SEC23A: variants seen among roughly 807,000 people sequenced by gnomAD.
SEC23A encodes the protein protein transport protein Sec23A.
A neutral mutation model predicts 103.7 loss-of-function variants in SEC23A; 56 were observed. That is an observed-to-expected ratio of 0.54 (90% confidence interval 0.44 to 0.67). The LOEUF is 0.67. SEC23A is among the 30% of genes least tolerant of loss of function. The probability of loss-of-function intolerance (pLI) is 0.00; values close to 1 mark genes in which losing one functional copy is unlikely to be tolerated. For synonymous variants in SEC23A, 281 were observed against 293.0 expected (o/e 0.96, Z 0.42); for missense variants, 784 against 936.4 (o/e 0.84, Z 2.12).
intron 14 of SEC23A, among the ~76,000 whole-genome samples, chr14:39,054,465 T>G (rs776992884): frequency 2.0e-5 from 3 of 152,190 alleles, no homozygotes; most frequent in Non-Finnish European, 4.4e-5. Flanking sequence ...GCATAATTTT[T>G]CTACCCCAGT....
chr14:39,101,088 C>T (rs1265586144), intron 1 of SEC23A, among the ~76,000 whole-genome samples: 1 of 152,074 alleles, frequency 6.6e-6, no homozygotes, highest in Admixed American at 6.5e-5. Flanking sequence ...AGGTGATTGG[C>T]CTGCCTCGGC....
rs369261537 is a variant in SEC23A, at chr14:39,092,548, A to G, written c.359T>C (p.Val120Ala). 12 of 1,591,900 alleles carry G rather than the reference A, an allele frequency of 7.5e-6. No homozygotes were observed. The change falls in exon 4 of 20, where the codon GTA (valine) becomes GCA (alanine). Residue 120 changes from valine to alanine, a missense_variant. Physicochemically the swap from Val to Ala is moderately conservative, Grantham distance 64. Coordinates refer to ENST00000307712, the MANE Select transcript of SEC23A (RefSeq NM_006364.4). ...TTGTTCTTAGGTTCTTACCAGAACT[A>G]CATATTCAATGCTAGAAAACTGAGG... ...LLPQFSSIEY[V>A]VLRGPQMPLI...
At chr14:39,089,869 T>C (rs1887597304) in intron 5 of SEC23A, among the ~76,000 whole-genome samples, 1 of 152,332 alleles carries the variant, frequency 6.6e-6, no homozygotes, top group African/African-American at 2.4e-5. Context: ...GGCAGGAGAA[T>C]AGCTTGAACC....
intron 9 of SEC23A, among the ~76,000 whole-genome samples, chr14:39,070,081 C>A (rs1051511031): frequency 1.3e-5 from 2 of 152,184 alleles, no homozygotes; most frequent in African/African-American, 4.8e-5. Flanking sequence ...GTCATACTTG[C>A]CACATTTCAA....
intron 16 of SEC23A, among the ~76,000 whole-genome samples, chr14:39,044,015 G>GC (rs1555326272): frequency 1.3e-5 from 2 of 152,150 alleles, no homozygotes; most frequent in African/African-American, 4.8e-5. Flanking sequence ...GTGGGTCATG[G>GC]TGGGGGTGTT....
chr14:39,058,941 T>A (rs1281050552), intron 13 of SEC23A, among the ~76,000 whole-genome samples: 1 of 152,202 alleles, frequency 6.6e-6, no homozygotes, highest in Non-Finnish European at 1.5e-5. Flanking sequence ...AAAGGTGACT[T>A]TTTTAATTCT....
chr14:39,050,868 T>C (rs554257039), intron 14 of SEC23A, among the ~76,000 whole-genome samples: 34 of 152,220 alleles, frequency 2.2e-4, no homozygotes, highest in Non-Finnish European at 4.6e-4. Context: ...GCACAATGGA[T>C]CCGAACAAGG....
intron 7 of SEC23A, among the ~76,000 whole-genome samples, chr14:39,079,202 C>G (rs1355584596): frequency 6.6e-6 from 1 of 151,674 alleles, no homozygotes; most frequent in Non-Finnish European, 1.5e-5. Flanking sequence ...AATGAGAGGG[C>G]CATTTTTTTT....
chr14:39,045,020 A>G lies in SEC23A; in HGVS notation c.1899+143T>C, dbSNP rs982181765. On this transcript the variant is annotated intron_variant, in intron 16 of 19. Coordinates refer to ENST00000307712, the MANE Select transcript of SEC23A (RefSeq NM_006364.4). The stretch of plus-strand genomic sequence containing the variant: ...TAAACATTCATAAATATTTTAAGCG[A>G]ATACATTAATAGGTTGAGATGTCCA... 11 of 719,398 alleles carry G rather than the reference A, an allele frequency of 1.5e-5. No homozygotes were observed. In the African/African-American group the frequency reaches 1.8e-4, roughly 12 times the overall value. 44.6% of individuals were successfully genotyped at this position (719,398 alleles called of 1,614,324 possible). A position where few individuals can be genotyped will look rare whatever the true frequency, so the allele number is the denominator to read the frequency against.
chr14:39,091,038 G>A, intron 5 of SEC23A: 1 of 393,208 alleles, frequency 2.5e-6, no homozygotes, highest in Non-Finnish European at 4.8e-6. Flanking sequence ...AAAAGAAAGT[G>A]GAAACAAAGA....
At position 39,047,513 on chromosome 14, in the gene SEC23A, A is replaced by C. The variant is rs537193904; in HGVS notation, c.1737+1139T>G. 4.7e-4 allele frequency: 298 copies of C among 634,110 alleles called. 1 individual carries two copies. Among genetic ancestry groups the C allele is most frequent in the Middle Eastern group, 1.3e-3 (4 of 3,188 alleles). The allele number at this position is 634,110 out of a possible 1,614,324, so 39.3% of individuals were successfully genotyped here. A position where few individuals can be genotyped will look rare whatever the true frequency, so the allele number is the denominator to read the frequency against. The stretch of plus-strand genomic sequence containing the variant: ...CTCAAAACAAAAACAACAACAACAA[A>C]AAAAAAAACAGAGCAGCTCTGAAAA... On this transcript the variant is annotated intron_variant, in intron 15 of 19. Transcript: ENST00000307712.
chr14:39,073,534 T>A (rs183263500), intron 9 of SEC23A, among the ~76,000 whole-genome samples: 17 of 148,904 alleles, frequency 1.1e-4, no homozygotes, highest in African/African-American at 3.7e-4. Context: ...CTTCAGATAA[T>A]CCTCCCACCT....
Position 39,096,054 on chromosome 14 carries a change from T to C in SEC23A, c.65A>G (p.Asn22Ser). 1 of 1,614,124 alleles carries C rather than the reference T, an allele frequency of 6.2e-7. No individual in the cohort carries two copies. The highest frequency in any genetic ancestry group is 8.5e-7 in the Non-Finnish European group (1 of 1,179,990). ...EERDGVRFSWNVWPSSRLEAT... is the reference protein window; with the variant it reads ...EERDGVRFSWSVWPSSRLEAT... ...TTCCAGTCGACTTGATGGCCAAACA[T>C]TCCAACTAAATCGGACTCCATCTCG... The change falls in exon 2 of 20, where the codon AAT becomes AGT. Residue 22 changes from asparagine to serine, a missense_variant. Physicochemically the swap from Asn to Ser is conservative, Grantham distance 46. This residue lies in a region of SEC23A where 683 missense variants were observed against 774.2 expected (regional missense o/e 0.88). Transcript: ENST00000307712.
chr14:39,071,527 C>A (rs1415654489), intron 9 of SEC23A, among the ~76,000 whole-genome samples: 1 of 149,436 alleles, frequency 6.7e-6, no homozygotes, highest in Admixed American at 6.6e-5. Flanking sequence ...CCAGCCTGGG[C>A]AACACAGTGA....
In SEC23A at chr14:39,045,339, C is replaced by G. The variant is rs776504661; in HGVS notation, c.1738-15G>C. 6.3e-7 allele frequency: 1 copy of G among 1,586,938 alleles called. No individual in the cohort carries two copies. The highest frequency in any genetic ancestry group is 8.6e-7 in the Non-Finnish European group (1 of 1,156,824). ...TGAAACATAAACTGTAAGATAAACA[C>G]GTAAGATAGTTGTTACTGATTTTAA... On this transcript the variant is annotated splice_polypyrimidine_tract_variant and intron_variant, in intron 15 of 19. Coordinates refer to ENST00000307712, the MANE Select transcript of SEC23A (RefSeq NM_006364.4).
rs976033701 is a variant in SEC23A, at chr14:39,032,290, C to T, written c.*949G>A. 1.3e-5 allele frequency: 2 copies of T among 152,462 alleles called. No homozygotes were observed. Among genetic ancestry groups the T allele is most frequent in the Non-Finnish European group, 2.9e-5 (2 of 67,984 alleles). The allele number at this position is 152,462 out of a possible 1,614,324, so 9.4% of individuals were successfully genotyped here. ...ATAATTAAGCAAACATTATATAATA[C>T]TGTTTCAATAAGAACCACAACTTAA... On this transcript the variant is annotated 3_prime_UTR_variant, in exon 20 of 20. Transcript: ENST00000307712.
In SEC23A at chr14:39,089,711, C is replaced by T. The variant is rs184951446; in HGVS notation, c.603+1766G>A. On this transcript the variant is annotated intron_variant, in intron 5 of 19. Coordinates refer to ENST00000307712, the MANE Select transcript of SEC23A (RefSeq NM_006364.4). ...GTGGCTCACTCCTGTAGTCCCAGCA[C>T]TCTGGGAGGCCGAGGAAGGTGGATA... is the stretch of plus-strand genomic sequence containing the variant. 2.3e-3 allele frequency among the ~76,000 whole-genome samples: 347 copies of T among 152,308 alleles called. 2 individuals are homozygous for T. The highest frequency in any genetic ancestry group is 6.8e-3 in the Admixed American group (104 of 15,292).
intron 7 of SEC23A, among the ~76,000 whole-genome samples, chr14:39,081,919 C>T (rs1594473296): frequency 6.6e-6 from 1 of 152,020 alleles, no homozygotes. Context: ...TAATGACACC[C>T]AGGGTAAGGG....
chr14:39,070,157 C>T (rs530696729), intron 9 of SEC23A, among the ~76,000 whole-genome samples: 1 of 152,348 alleles, frequency 6.6e-6, no homozygotes, highest in East Asian at 1.9e-4. Context: ...AGAAGATAAG[C>T]TCCATGCGGG....
Sources: allele counts gnomAD v4.1 joint callset (sites outside exome capture counted in the v4.1 genomes callset), GRCh38; gene constraint gnomAD v4.1.1; regional missense constraint gnomAD v4.1.1; transcripts MANE v1.5; gene names NCBI Gene and HGNC (gene_info 2026-07-23, HGNC 2026-07-21).